Variants in RAPH1 observed in about 807,000 individuals in gnomAD.
RAPH1 encodes Ras association (RalGDS/AF-6) and pleckstrin homology domains 1.
A neutral mutation model predicts 88.1 loss-of-function variants in RAPH1; 18 were observed. The ratio of observed to expected loss-of-function variants is 0.20; its 90% CI spans 0.14 to 0.30. The LOEUF is 0.30. RAPH1 is among the 10% of genes least tolerant of loss of function. The probability of loss-of-function intolerance (pLI) is 1.00; values close to 1 mark genes in which losing one functional copy is unlikely to be tolerated. For synonymous variants in RAPH1, 587 were observed against 559.0 expected, an observed-to-expected ratio of 1.05 and a Z score of -0.71; for missense variants, 1,448 against 1,543.2, an observed-to-expected ratio of 0.94 and a Z score of 1.03.
chr2:203,442,056 G>A (rs780111867), intron 13 of RAPH1: 3 of 1,595,194 alleles, frequency 1.9e-6, no homozygotes, highest in Non-Finnish European at 1.7e-6. Flanking sequence ...CAGGTAAAGG[G>A]GGGACATTCT....
At chr2:203,509,263 T>A (rs1225427844) in intron 1 of RAPH1, among the ~76,000 whole-genome samples, 1 of 151,640 alleles carries the variant, frequency 6.6e-6, no homozygotes, top group African/African-American at 2.4e-5. Context: ...AGAGATGAGA[T>A]TTTGCCATGT....
At position 203,505,441 on chromosome 2, in the gene RAPH1, A is replaced by ACCC. The variant is rs5837857; in HGVS notation, c.1-10091_1-10089dup. 7.6e-4 allele frequency among the ~76,000 whole-genome samples: 114 copies of ACCC among 150,724 alleles called. 1 individual carries two copies. Among genetic ancestry groups the ACCC allele is most frequent in the East Asian group, 4.7e-3 (24 of 5,116 alleles). On this transcript the variant is annotated intron_variant, in intron 1 of 13. Coordinates refer to ENST00000319170, the MANE Select transcript of RAPH1 (RefSeq NM_213589.3). ...AAAGACTGGCCGCCATGATTAAATT[A>ACCC]CCCCCCCCGGGTCCCTCCCACAACA...
At chr2:203,517,049 A>ATT (rs1559501289) in intron 1 of RAPH1, among the ~76,000 whole-genome samples, 1 of 131,688 alleles carries the variant, frequency 7.6e-6, no homozygotes, top group African/African-American at 2.6e-5. Context: ...AAAAAAAAAT[A>ATT]AAGAAAGAAA....
In RAPH1 at chr2:203,440,029, C is replaced by A. The variant is rs767565331; in HGVS notation, c.3161G>T (p.Ser1054Ile). The change falls in exon 14 of 14, where the codon AGT becomes ATT. Residue 1054 changes from serine (S) to isoleucine (I), a missense_variant. Around this residue, in one of 2 missense-constraint regions of RAPH1, gnomAD observed 935 missense variants for 890.1 expected, o/e 1.05. Transcript: ENST00000319170. The part of the protein sequence containing the change: ...GCVSAKAPVL[S>I]GRGKDSVVEF... ...CACCACGGAGTCCTTTCCACGCCCA[C>A]TCAGAACAGGGGCTTTTGCTGACAC... 20 of 1,613,700 alleles carry A rather than the reference C, an allele frequency of 1.2e-5. No homozygotes were observed. The highest frequency in any genetic ancestry group is 3.4e-6 in the Non-Finnish European group (4 of 1,179,992).
intron 6 of RAPH1, among the ~76,000 whole-genome samples, chr2:203,460,398 T>G (rs2098523362): frequency 6.6e-6 from 1 of 152,226 alleles, no homozygotes; most frequent in Admixed American, 6.5e-5. Context: ...TTAAAACATT[T>G]CCAAGATGAT....
chr2:203,515,957 T>A (rs924366125), intron 1 of RAPH1, among the ~76,000 whole-genome samples: 1 of 152,208 alleles, frequency 6.6e-6, no homozygotes, highest in African/African-American at 2.4e-5. Context: ...AAGAAATCAG[T>A]GAAGGTATAA....
intron 4 of RAPH1, among the ~76,000 whole-genome samples, chr2:203,480,922 G>A (rs1687692457): frequency 2.0e-5 from 3 of 152,128 alleles, no homozygotes; most frequent in Non-Finnish European, 2.9e-5. Context: ...TTCCTCACAT[G>A]TAAAATCGGG....
chr2:203,516,406 T>C (rs1689607547), intron 1 of RAPH1, among the ~76,000 whole-genome samples: 1 of 152,230 alleles, frequency 6.6e-6, no homozygotes, highest in Non-Finnish European at 1.5e-5. Flanking sequence ...TTAATCCAAT[T>C]ATATTAATAA....
intron 1 of RAPH1, among the ~76,000 whole-genome samples, chr2:203,506,452 A>T (rs763127868): frequency 1.3e-5 from 2 of 151,826 alleles, no homozygotes; most frequent in Non-Finnish European, 2.9e-5. Flanking sequence ...ACAAGATGAG[A>T]TCTTGCAGTG....
chr2:203,506,868 A>ATC lies in RAPH1; in HGVS notation c.1-11516_1-11515insGA, dbSNP rs1182931835. ...TATCTATCTATATCTATATATATATATATATATATATAGATATATATATAT... is the reference window on the plus strand; with the variant it reads ...TATCTATCTATATCTATATATATATATCTATATATATATAGATATATATATAT... On this transcript the variant is annotated intron_variant, in intron 1 of 13. Transcript: ENST00000319170. Among the ~76,000 whole-genome samples, 473 of 89,400 alleles carry ATC rather than the reference A, an allele frequency of 5.3e-3. 37 individuals are homozygous for ATC. Among genetic ancestry groups the ATC allele is most frequent in the African/African-American group, 7.4e-3 (136 of 18,438 alleles). The allele number at this position is 89,400 out of a possible 152,430, so 58.6% of individuals were successfully genotyped here. A position where few individuals can be genotyped will look rare whatever the true frequency, so the allele number is the denominator to read the frequency against.
Position 203,439,791 on chromosome 2 carries a change from G to A in RAPH1, c.3399C>T (p.Leu1133=). Residue 1133 remains leucine, a synonymous_variant, in exon 14 of 14, where the codon CTC becomes CTT. Transcript: ENST00000319170. The part of the protein sequence containing the change: ...TRPKRNDSTR[L]TQAEISEQPT... ...GCTGCTCAGAAATCTCAGCTTGAGT[G>A]AGGCGGGTGCTATCATTCCGTTTGG... is the stretch of plus-strand genomic sequence containing the variant. 1 of 1,614,180 alleles carries A rather than the reference G, an allele frequency of 6.2e-7. No individual in the cohort carries two copies. Among genetic ancestry groups the A allele is most frequent in the Non-Finnish European group, 8.5e-7 (1 of 1,180,036 alleles).
intron 1 of RAPH1, among the ~76,000 whole-genome samples, chr2:203,502,480 A>G (rs1354142706): frequency 6.6e-6 from 1 of 152,240 alleles, no homozygotes; most frequent in African/African-American, 2.4e-5. Context: ...AACAGTTGGT[A>G]GAGATTGTAT....
intron 1 of RAPH1, among the ~76,000 whole-genome samples, chr2:203,517,761 A>T (rs1689682153): frequency 6.6e-6 from 1 of 152,202 alleles, no homozygotes; most frequent in South Asian, 2.1e-4. Context: ...CAACCTCTTA[A>T]ATAACACCTG....
At chr2:203,478,768 CG>C (rs1227430223) in intron 4 of RAPH1, among the ~76,000 whole-genome samples, 4 of 152,198 alleles carry the variant, frequency 2.6e-5, no homozygotes, top group Admixed American at 2.6e-4. Context: ...GGATTACAGG[CG>C]TGAGCCACTG....
intron 13 of RAPH1, chr2:203,444,525 G>C (rs1370098537): frequency 1.0e-5 from 3 of 288,134 alleles, no homozygotes; most frequent in Non-Finnish European, 1.3e-5. Flanking sequence ...ATTTGCAATA[G>C]ATGGTGTTTT....
chr2:203,509,591 T>C (rs1689244944), intron 1 of RAPH1, among the ~76,000 whole-genome samples: 1 of 152,204 alleles, frequency 6.6e-6, no homozygotes, highest in South Asian at 2.1e-4. Flanking sequence ...CTATTTTGCA[T>C]TATTCATTAA....
intron 1 of RAPH1, among the ~76,000 whole-genome samples, chr2:203,510,314 TG>T (rs1452874621): frequency 8.7e-6 from 1 of 114,776 alleles, no homozygotes; most frequent in East Asian, 2.4e-4. Flanking sequence ...GCAGCCTGGG[TG>T]ATAGAGCAAA....
chr2:203,463,642 G>C (rs1437688815), intron 4 of RAPH1, among the ~76,000 whole-genome samples: 1 of 152,102 alleles, frequency 6.6e-6, no homozygotes, highest in Non-Finnish European at 1.5e-5. Flanking sequence ...AACTCAATTA[G>C]GCAGAAAACA....
At chr2:203,487,226 T>C (rs1407759122) in intron 4 of RAPH1, among the ~76,000 whole-genome samples, 1 of 152,176 alleles carries the variant, frequency 6.6e-6, no homozygotes, top group Non-Finnish European at 1.5e-5. Flanking sequence ...TTGGAAGGAA[T>C]ATCAACATAC....
Sources: allele counts gnomAD v4.1 joint callset (sites outside exome capture counted in the v4.1 genomes callset), GRCh38; gene constraint gnomAD v4.1.1; regional missense constraint gnomAD v4.1.1; transcripts MANE v1.5; gene names NCBI Gene and HGNC (gene_info 2026-07-23, HGNC 2026-07-21).